Variants in SCN2A observed in about 807,000 individuals in gnomAD.
The protein encoded by SCN2A is sodium voltage-gated channel alpha subunit 2, also known as sodium channel protein type 2 subunit alpha.
A neutral mutation model predicts 188.7 loss-of-function variants in SCN2A; 20 were observed. The observed-to-expected ratio is 0.11, with a 90% CI of 0.07 to 0.15. The LOEUF (loss-of-function observed/expected upper bound fraction) is 0.15. Among genes scored for constraint, SCN2A ranks in the 10% least tolerant of loss-of-function variants. The pLI, the probability that SCN2A is intolerant of heterozygous loss-of-function variation, is 1.00. For missense variants in SCN2A, 1,278 were observed against 2,445.0 expected (o/e 0.52, Z 10.07); for synonymous variants, 804 against 833.1 (o/e 0.97, Z 0.60).
At position 165,344,932 on chromosome 2, in the gene SCN2A, C is replaced by G. The variant is rs1337643015; in HGVS notation, c.2919+21C>G. On this transcript the variant is annotated intron_variant, in intron 16 of 26. Transcript: ENST00000375437. Reference sequence around the variant, plus strand: ...TAGTGGTATGTAGCAAAAACATTTTCCTCATTTTCATTAAAAGATAATGTA... The same window carrying G: ...TAGTGGTATGTAGCAAAAACATTTTGCTCATTTTCATTAAAAGATAATGTA... The G allele has an allele frequency of 2.5e-6, 4 of 1,613,398 alleles. No individual in the cohort carries two copies. In the African/African-American group the frequency reaches 5.3e-5, roughly 22 times the overall value.
At chr2:165,359,241 G>A (rs756338750) in intron 17 of SCN2A, among the ~76,000 whole-genome samples, 2 of 151,992 alleles carry the variant, frequency 1.3e-5, no homozygotes, top group Non-Finnish European at 2.9e-5. Context: ...ACACAGATGC[G>A]CATATACACA....
chr2:165,288,431 AT>A (rs577482770), intron 1 of SCN2A, among the ~76,000 whole-genome samples: 82 of 150,726 alleles, frequency 5.4e-4, no homozygotes, highest in African/African-American at 7.0e-4. Flanking sequence ...TTTCTAAATA[AT>A]TTTTTTTTAT....
At position 165,344,529 on chromosome 2, in the gene SCN2A, A is replaced by T. The variant is rs778882969; in HGVS notation, c.2563-26A>T. ...GATTTTTTTAGAAATGCAGAGCATT[A>T]ACACTGTTCTTGCTTTTATTTCCAG... is the stretch of plus-strand genomic sequence containing the variant. On this transcript the variant is annotated intron_variant, in intron 15 of 26. Transcript: ENST00000375437. The T allele has an allele frequency of 6.9e-6, 11 of 1,596,508 alleles. No homozygotes were observed. In the South Asian group the frequency reaches 1.1e-4, roughly 16 times the overall value.
chr2:165,333,394 A>G lies in SCN2A; in HGVS notation c.2388+1826A>G, dbSNP rs149064928. On this transcript the variant is annotated intron_variant, in intron 14 of 26. Coordinates refer to ENST00000375437, the MANE Select transcript of SCN2A (RefSeq NM_001040142.2). ...TAGGATATTCCCTAGGATAAGTTAT[A>G]GGTTAGGTCATAAAACACACATCAA... Among the ~76,000 whole-genome samples the G allele has an allele frequency of 4.5e-3, 679 of 151,928 alleles. 7 individuals are homozygous for G. Among genetic ancestry groups the G allele is most frequent in the Non-Finnish European group, 3.9e-3 (265 of 67,826 alleles).
intron 13 of SCN2A, among the ~76,000 whole-genome samples, chr2:165,329,275 T>C (rs563524290): frequency 2.0e-5 from 3 of 152,108 alleles, no homozygotes; most frequent in Non-Finnish European, 4.4e-5. Flanking sequence ...AAGTGCAAAA[T>C]CACATAGAAA....
At chr2:165,316,106 C>A in intron 11 of SCN2A, among the ~76,000 whole-genome samples, 1 of 152,140 alleles carries the variant, frequency 6.6e-6, no homozygotes. Flanking sequence ...TTTGGGTTTT[C>A]TGAGTGACAA....
chr2:165,283,315 T>C (rs9287857), intron 1 of SCN2A, among the ~76,000 whole-genome samples: 22,541 of 152,182 alleles, frequency 0.15, 1,870 homozygotes, highest in Middle Eastern at 0.21. Flanking sequence ...GAATATGTGA[T>C]AGGATCCTGA....
At chr2:165,325,534 C>G (rs1387964063) in intron 12 of SCN2A, among the ~76,000 whole-genome samples, 2 of 152,124 alleles carry the variant, frequency 1.3e-5, no homozygotes, top group East Asian at 3.9e-4. Flanking sequence ...ATGTCATTAG[C>G]AGTTTTGGAA....
intron 17 of SCN2A, among the ~76,000 whole-genome samples, chr2:165,360,789 T>A (rs1700422790): frequency 6.6e-6 from 1 of 152,074 alleles, no homozygotes; most frequent in South Asian, 2.1e-4. Context: ...GGGACATATA[T>A]AGAACTTTTT....
rs1350482507 is a variant in SCN2A at position 165,391,365 on chromosome 2, A to G, written c.*1541A>G. 2 of 152,576 alleles carry G rather than the reference A, an allele frequency of 1.3e-5. No homozygotes were observed. Among genetic ancestry groups the G allele is most frequent in the Non-Finnish European group, 2.9e-5 (2 of 67,998 alleles). 9.5% of individuals were successfully genotyped at this position (152,576 alleles called of 1,614,324 possible). ...TATATGGTTAGAGTTTTCTAAGAAA[A>G]TATAAATACTGTAAAAAGTTCATTT... On this transcript the variant is annotated 3_prime_UTR_variant, in exon 27 of 27. Coordinates refer to ENST00000375437, the MANE Select transcript of SCN2A (RefSeq NM_001040142.2).
At chr2:165,296,275 C>G in intron 2 of SCN2A, 185 bp downstream of exon 2, 1 of 631,588 alleles carries the variant, frequency 1.6e-6, no homozygotes, top group Non-Finnish European at 2.8e-6. Context: ...TCATTTGAAC[C>G]TGCATTTGTG....
rs1168248222 is a variant in SCN2A, at chr2:165,315,719, T to G, written c.1632T>G (p.Ser544Arg). 30 of 1,613,018 alleles carry G rather than the reference T, an allele frequency of 1.9e-5. No individual in the cohort carries two copies. Among genetic ancestry groups the G allele is most frequent in the Non-Finnish European group, 2.4e-5 (28 of 1,179,584 alleles). Residue 544 changes from serine (S) to arginine (R), a missense_variant, in exon 11 of 27, where the codon AGT (serine) becomes AGG (arginine). Physicochemically the swap from Ser to Arg is moderately radical, Grantham distance 110. This residue lies in a region of SCN2A where 315 missense variants were observed against 386.6 expected (regional missense o/e 0.81). Coordinates refer to ENST00000375437, the MANE Select transcript of SCN2A (RefSeq NM_001040142.2). ...GTTTCCGTTTTTCCTTGGAAGGAAG[T>G]AGGCTGACATATGAAAAGAGATTTT... ...RKGFRFSLEG[S>R]RLTYEKRFSS...
At chr2:165,385,723 A>G (rs747856233) in intron 25 of SCN2A, among the ~76,000 whole-genome samples, 8 of 152,186 alleles carry the variant, frequency 5.3e-5, no homozygotes, top group Non-Finnish European at 1.0e-4. Flanking sequence ...GATGATTTTT[A>G]AAACATCTTA....
rs374078940 is a variant in SCN2A at position 165,243,390 on chromosome 2, G to A, written c.-52+3750G>A. ...GGCCGAGGTGGGCGGATTGCCTGAGGTCTGGAGTTTGAGACCAGCCTGGAC... is the reference window on the plus strand; with the variant it reads ...GGCCGAGGTGGGCGGATTGCCTGAGATCTGGAGTTTGAGACCAGCCTGGAC... On this transcript the variant is annotated intron_variant, in intron 1 of 26. Coordinates refer to ENST00000375437, the MANE Select transcript of SCN2A (RefSeq NM_001040142.2). 3.1e-4 allele frequency among the ~76,000 whole-genome samples: 47 copies of A among 152,114 alleles called. No homozygotes were observed. The South Asian group carries it at 4.8e-3, about 15-fold the overall frequency.
At chr2:165,330,488 T>C (rs1056285467) in intron 13 of SCN2A, among the ~76,000 whole-genome samples, 3 of 152,210 alleles carry the variant, frequency 2.0e-5, no homozygotes, top group African/African-American at 4.8e-5. Flanking sequence ...CAATGTTTGG[T>C]TGAAATTCTT....
intron 3 of SCN2A, among the ~76,000 whole-genome samples, chr2:165,305,182 A>T (rs935369972): frequency 6.6e-6 from 1 of 152,222 alleles, no homozygotes; most frequent in Non-Finnish European, 1.5e-5. Context: ...AAGATTTCTC[A>T]TAGGTCTCTG....
chr2:165,262,842 G>C (rs1366563344), intron 1 of SCN2A, among the ~76,000 whole-genome samples: 4 of 152,034 alleles, frequency 2.6e-5, no homozygotes, highest in Admixed American at 6.6e-5. Flanking sequence ...TTCAGTAATG[G>C]TTGTACTAGT....
chr2:165,363,233 A>ATCCTTAGATC (rs1368704768), intron 17 of SCN2A, among the ~76,000 whole-genome samples: 1 of 152,082 alleles, frequency 6.6e-6, no homozygotes, highest in East Asian at 1.9e-4. Context: ...CTTAGCACTG[A>ATCCTTAGATC]TGTAAGCTCT....
chr2:165,294,181 T>C, intron 1 of SCN2A: 1 of 856,816 alleles, frequency 1.2e-6, no homozygotes, highest in Non-Finnish European at 1.4e-6. Flanking sequence ...GTGATGCTTC[T>C]CTACCTTTAC....
Sources: allele counts gnomAD v4.1 joint callset (sites outside exome capture counted in the v4.1 genomes callset), GRCh38; gene constraint gnomAD v4.1.1; regional missense constraint gnomAD v4.1.1; transcripts MANE v1.5; gene names NCBI Gene and HGNC (gene_info 2026-07-23, HGNC 2026-07-21).